Variants in DGKG observed in about 807,000 individuals in gnomAD.
The protein encoded by DGKG is DAG kinase gamma.
In DGKG, 78 loss-of-function variants were observed where a neutral mutation model predicts 105.3. The ratio of observed to expected loss-of-function variants is 0.74; its 90% CI spans 0.62 to 0.89. DGKG has a LOEUF of 0.89. Ranked by LOEUF, DGKG falls within the 40% of genes least tolerant of loss-of-function variation. The pLI is 0.00. For missense variants in DGKG, 958 were observed against 1,020.1 expected (o/e 0.94, Z 0.83); for synonymous variants, 346 against 367.1 (o/e 0.94, Z 0.66).
rs146627304 is a variant in DGKG at position 186,170,428 on chromosome 3, C to A, written c.2096-5410G>T. ...CCCCAGACCTACCCAATCAGACAGT[C>A]TGGAGTTTGGGCCCAGCAGTCTGTG... is the stretch of plus-strand genomic sequence containing the variant. On this transcript the variant is annotated intron_variant, in intron 22 of 24. Transcript: ENST00000265022. Among the ~76,000 whole-genome samples, 5 of 152,272 alleles carry A rather than the reference C, an allele frequency of 3.3e-5. No homozygotes were observed. The East Asian group carries it at 9.7e-4, about 29-fold the overall frequency.
At chr3:186,204,391 G>A (rs1365728959) in intron 21 of DGKG, among the ~76,000 whole-genome samples, 1 of 152,132 alleles carries the variant, frequency 6.6e-6, no homozygotes, top group Non-Finnish European at 1.5e-5. Context: ...GGGTGACAGA[G>A]CGAGGCCCTG....
At chr3:186,234,750 T>C (rs1720333266) in intron 20 of DGKG, among the ~76,000 whole-genome samples, 2 of 152,172 alleles carry the variant, frequency 1.3e-5, no homozygotes, top group Non-Finnish European at 2.9e-5. Context: ...TCTGAGAGGT[T>C]GTGCTGTCTG....
rs1171897182 is a variant in DGKG, at chr3:186,260,439, C to G, written c.1424G>C (p.Gly475Ala). The G allele has an allele frequency of 1.2e-6, 2 of 1,607,970 alleles. No individual in the cohort carries two copies. The highest frequency in any genetic ancestry group is 2.7e-5 in the African/African-American group (2 of 74,680). The change falls in exon 16 of 25, where the codon GGG becomes GCG. Residue 475 changes from glycine to alanine, a missense_variant and splice_region_variant. Gly to Ala is a moderately conservative substitution (Grantham distance 60). This residue lies in a region of DGKG where 643 missense variants were observed against 619.5 expected (regional missense o/e 1.04). Transcript: ENST00000265022. The stretch of plus-strand genomic sequence containing the variant: ...GAGGTAAAGATTGTGATCTCCATAC[C>G]CTGGAGTAGGCCCCCCATTGTCCAG... ...FNLDNGGPTP[G>A]LNFFRDTPDF...
intron 2 of DGKG, among the ~76,000 whole-genome samples, chr3:186,309,139 A>C (rs1353864392): frequency 1.3e-5 from 2 of 152,236 alleles, no homozygotes; most frequent in Non-Finnish European, 2.9e-5. Context: ...GTTGGGAAGA[A>C]GAAAAATTAA....
chr3:186,166,490 G>A (rs1297044633), intron 22 of DGKG, among the ~76,000 whole-genome samples: 1 of 152,198 alleles, frequency 6.6e-6, no homozygotes. Flanking sequence ...AAGGAGTTTG[G>A]ACCTAATAAA....
chr3:186,302,980 A>G (rs1724050734), intron 3 of DGKG, among the ~76,000 whole-genome samples: 1 of 152,118 alleles, frequency 6.6e-6, no homozygotes, highest in South Asian at 2.1e-4. Context: ...GAGGCTCAGG[A>G]AATTCAGTGA....
intron 21 of DGKG, among the ~76,000 whole-genome samples, chr3:186,191,362 T>C (rs1560087954): frequency 1.3e-5 from 2 of 152,348 alleles, no homozygotes; most frequent in South Asian, 2.1e-4. Context: ...AAATGTACCC[T>C]ATTCTTATTT....
chr3:186,218,212 G>T (rs1349778949), intron 20 of DGKG, among the ~76,000 whole-genome samples: 2 of 152,098 alleles, frequency 1.3e-5, no homozygotes, highest in Non-Finnish European at 2.9e-5. Flanking sequence ...TCTTAAAAAT[G>T]AAGGGCTTGG....
chr3:186,277,057 G>C (rs1722620803), intron 9 of DGKG, among the ~76,000 whole-genome samples: 1 of 152,122 alleles, frequency 6.6e-6, no homozygotes, highest in South Asian at 2.1e-4. Flanking sequence ...CAGGACATGA[G>C]TTTTATAGAA....
intron 20 of DGKG, among the ~76,000 whole-genome samples, chr3:186,228,060 T>C (rs1221793166): frequency 6.6e-6 from 1 of 152,216 alleles, no homozygotes. Flanking sequence ...AAAAGCCACC[T>C]AAGTTGCCCT....
chr3:186,213,505 G>A (rs1719137096), intron 20 of DGKG, among the ~76,000 whole-genome samples: 1 of 152,194 alleles, frequency 6.6e-6, no homozygotes, highest in Admixed American at 6.5e-5. Flanking sequence ...AATCACTTGG[G>A]GATTTTATGA....
At chr3:186,306,289 G>GTT (rs1263375700) in intron 3 of DGKG, among the ~76,000 whole-genome samples, 2 of 152,190 alleles carry the variant, frequency 1.3e-5, no homozygotes, top group African/African-American at 4.8e-5. Context: ...TCAGGAAAAT[G>GTT]TTTTTAATAT....
chr3:186,359,961 C>A (rs1727149230), intron 1 of DGKG, among the ~76,000 whole-genome samples: 1 of 152,146 alleles, frequency 6.6e-6, no homozygotes, highest in South Asian at 2.1e-4. Context: ...AGAAAAGGTA[C>A]TTCCCCGCCC....
chr3:186,353,696 ATATCTATAT>A (rs200962837), intron 1 of DGKG, among the ~76,000 whole-genome samples: 10,414 of 136,386 alleles, frequency 0.076, 433 homozygotes, highest in Middle Eastern at 0.16. Flanking sequence ...ATCTATATCT[ATATCTATAT>A]AACAGTGGAC....
intron 1 of DGKG, among the ~76,000 whole-genome samples, chr3:186,353,561 G>GTA (rs1218100064): frequency 6.5e-5 from 7 of 107,944 alleles, no homozygotes; most frequent in African/African-American, 3.4e-4. Flanking sequence ...ATACTTTTAT[G>GTA]TATGTATATA....
rs1245596752 is a variant in DGKG at position 186,203,756 on chromosome 3, TC to T, written c.1917+8038del. 1.3e-5 allele frequency among the ~76,000 whole-genome samples: 2 copies of T among 152,226 alleles called. No individual in the cohort carries two copies. The highest frequency in any genetic ancestry group is 4.8e-5 in the African/African-American group (2 of 41,456). On this transcript the variant is annotated intron_variant, in intron 21 of 24. Transcript: ENST00000265022. This position sits in a 1 kb window ranked among gnomAD's most constrained non-coding sequence, Gnocchi z 4.9. The stretch of plus-strand genomic sequence containing the variant: ...GTTGGCCCTCTTATTTTCCACGAAC[TC>T]AAAATCCCTTCTAATGCTCTTCTCA...
rs1226194935 is a variant in DGKG, at chr3:186,261,938, C to A, written c.1270-160G>T. ...CTGAATTTTCGGAGGGGCTAAGTAG[C>A]TAAGTGTCTCCAGTTTGAATGGCCT... On this transcript the variant is annotated intron_variant, in intron 14 of 24. Transcript: ENST00000265022. 4 of 561,124 alleles carry A rather than the reference C, an allele frequency of 7.1e-6. No individual in the cohort carries two copies. The East Asian group carries it at 9.2e-5, about 13-fold the overall frequency. The allele number at this position is 561,124 out of a possible 1,614,324, so 34.8% of individuals were successfully genotyped here.
chr3:186,199,586 C>T (rs1718349792), intron 21 of DGKG, among the ~76,000 whole-genome samples: 1 of 152,114 alleles, frequency 6.6e-6, no homozygotes, highest in Non-Finnish European at 1.5e-5. Context: ...GATCTCGCCT[C>T]ACTGCAACCT....
rs957403492 is a variant in DGKG at position 186,361,013 on chromosome 3, C to T, written c.-249+933G>A. Among the ~76,000 whole-genome samples, 9 of 152,352 alleles carry T rather than the reference C, an allele frequency of 5.9e-5. No homozygotes were observed. The highest frequency in any genetic ancestry group is 1.3e-4 in the Admixed American group (2 of 15,312). The stretch of plus-strand genomic sequence containing the variant: ...GCTCCCGGGCACCACTGCGGCGCAG[C>T]CACAGATCGCTTCGCGCTGCAGCAG... On this transcript the variant is annotated intron_variant, in intron 1 of 24. Transcript: ENST00000265022. This position sits in a 1 kb window ranked among gnomAD's most constrained non-coding sequence, Gnocchi z 6.8.
Sources: allele counts gnomAD v4.1 joint callset (sites outside exome capture counted in the v4.1 genomes callset), GRCh38; gene constraint gnomAD v4.1.1; regional missense constraint gnomAD v4.1.1; non-coding constraint Gnocchi (gnomAD v3.1); transcripts MANE v1.5; gene names NCBI Gene and HGNC (gene_info 2026-07-23, HGNC 2026-07-21).